NUCKS1: variants seen among roughly 807,000 people sequenced by gnomAD.
The protein encoded by NUCKS1 is nuclear casein kinase and cyclin dependent kinase substrate 1, also known as nuclear ubiquitous casein and cyclin-dependent kinase substrate 1.
Under a neutral mutation model 33.0 loss-of-function variants are expected in NUCKS1, and 2 were observed. That is an observed-to-expected ratio of 0.06 (90% confidence interval 0.02 to 0.19). The LOEUF (loss-of-function observed/expected upper bound fraction) is 0.19. Ranked by LOEUF, NUCKS1 falls within the 10% of genes least tolerant of loss-of-function variation. The pLI is 1.00. For synonymous variants in NUCKS1, 106 were observed against 102.8 expected, an observed-to-expected ratio of 1.03 and a Z score of -0.19; for missense variants, 201 against 293.6, an observed-to-expected ratio of 0.68 and a Z score of 2.31.
At chr1:205,748,725 T>C (rs553337836) in intron 1 of NUCKS1, among the ~76,000 whole-genome samples, 1 of 152,154 alleles carries the variant, frequency 6.6e-6, no homozygotes, top group South Asian at 2.1e-4. Flanking sequence ...GTCCCAAACC[T>C]CTCTTTAGAA....
chr1:205,750,055 C>G lies in NUCKS1; in HGVS notation c.-82G>C. 1 of 1,299,098 alleles carries G rather than the reference C, an allele frequency of 7.7e-7. No homozygotes were observed. The highest frequency in any genetic ancestry group is 4.3e-5 in the East Asian group (1 of 23,166). The allele number at this position is 1,299,098 out of a possible 1,614,324, so 80.5% of individuals were successfully genotyped here. On this transcript the variant is annotated 5_prime_UTR_variant, in exon 1 of 7. Transcript: ENST00000367142. ...CCGCGCGCTCGGCGCCCCACCCCCC[C>G]CGAACTTCAGCCGATGGGACCGCTG...
rs954975948 is a variant in NUCKS1, at chr1:205,712,924, G to C, written c.*5356C>G. On this transcript the variant is annotated 3_prime_UTR_variant, in exon 7 of 7. Coordinates refer to ENST00000367142, the MANE Select transcript of NUCKS1 (RefSeq NM_022731.5). ...AAACATGAGAAAAAATGCTAATTAA[G>C]AATCCTTACGCACCCAGTCCAGTGC... 1 of 152,178 alleles carries C rather than the reference G, an allele frequency of 6.6e-6. No homozygotes were observed. Among genetic ancestry groups the C allele is most frequent in the African/African-American group, 2.4e-5 (1 of 41,448 alleles). 9.4% of individuals were successfully genotyped at this position (152,178 alleles called of 1,614,324 possible).
intron 1 of NUCKS1, among the ~76,000 whole-genome samples, chr1:205,749,737 C>CAGCGGCGCGG (rs1414903898): frequency 6.6e-6 from 1 of 151,470 alleles, no homozygotes; most frequent in Non-Finnish European, 1.5e-5. Context: ...CGGAGCCCTG[C>CAGCGGCGCGG]AGCGGCGCGG....
intron 1 of NUCKS1, among the ~76,000 whole-genome samples, chr1:205,748,762 C>A (rs536145447): frequency 6.6e-6 from 1 of 152,198 alleles, no homozygotes; most frequent in South Asian, 2.1e-4. Flanking sequence ...TTCCGTTTCC[C>A]ACACAACTTG....
At chr1:205,739,877 CTG>C (rs1406047432) in intron 1 of NUCKS1, among the ~76,000 whole-genome samples, 1 of 151,910 alleles carries the variant, frequency 6.6e-6, no homozygotes, top group African/African-American at 2.4e-5. Context: ...GTGTGAGCCA[CTG>C]TGTGGCCAAC....
chr1:205,722,835 T>A (rs1292574750), intron 4 of NUCKS1, among the ~76,000 whole-genome samples: 1 of 152,224 alleles, frequency 6.6e-6, no homozygotes, highest in Non-Finnish European at 1.5e-5. Context: ...TCTAGTCCCA[T>A]GAGCCTTGCC....
rs1671828240 is a variant in NUCKS1, at chr1:205,716,716, C to T, written c.*1564G>A. On this transcript the variant is annotated 3_prime_UTR_variant, in exon 7 of 7. Coordinates refer to ENST00000367142, the MANE Select transcript of NUCKS1 (RefSeq NM_022731.5). Reference sequence around the variant, plus strand: ...AAAAAAGGCAGAAGTTTAAATTTCACTAATTTTTCAATTTATTAGCATACC... The same window carrying T: ...AAAAAAGGCAGAAGTTTAAATTTCATTAATTTTTCAATTTATTAGCATACC... 1 of 152,196 alleles carries T rather than the reference C, an allele frequency of 6.6e-6. No homozygotes were observed. The highest frequency in any genetic ancestry group is 1.5e-5 in the Non-Finnish European group (1 of 68,034). 9.4% of individuals were successfully genotyped at this position (152,196 alleles called of 1,614,324 possible).
intron 2 of NUCKS1, among the ~76,000 whole-genome samples, 166 bp downstream of exon 2, chr1:205,729,406 T>C (rs537326188): frequency 3.9e-4 from 59 of 152,378 alleles, no homozygotes; most frequent in Middle Eastern, 3.4e-3. Context: ...TTAAAATCCA[T>C]GTAAGTTCAA....
chr1:205,744,937 G>A (rs765806947), intron 1 of NUCKS1, among the ~76,000 whole-genome samples: 15 of 152,052 alleles, frequency 9.9e-5, no homozygotes, highest in Non-Finnish European at 1.5e-4. Flanking sequence ...TGGCCCTCAC[G>A]AGAGATATTA....
chr1:205,722,963 C>T (rs767913400), intron 4 of NUCKS1, among the ~76,000 whole-genome samples: 1 of 152,188 alleles, frequency 6.6e-6, no homozygotes, highest in African/African-American at 2.4e-5. Flanking sequence ...TAGCTTAATA[C>T]TAGTACAGAG....
intron 1 of NUCKS1, among the ~76,000 whole-genome samples, chr1:205,735,142 T>G (rs1034718562): frequency 1.2e-4 from 19 of 152,180 alleles, no homozygotes; most frequent in Non-Finnish European, 4.4e-5. Context: ...ACATTCTAAT[T>G]TCTTCAAAAT....
intron 1 of NUCKS1, among the ~76,000 whole-genome samples, chr1:205,748,319 A>G (rs1654382323): frequency 6.6e-6 from 1 of 152,218 alleles, no homozygotes; most frequent in South Asian, 2.1e-4. Flanking sequence ...AAGGTAGAGG[A>G]ATTATTTTTC....
chr1:205,734,578 GATGACTCATA>G (rs1291689309), intron 1 of NUCKS1, among the ~76,000 whole-genome samples: 7 of 152,024 alleles, frequency 4.6e-5, no homozygotes, highest in Middle Eastern at 3.4e-3. Flanking sequence ...GGCCATTCAT[GATGACTCATA>G]ATGACTCATA....
At chr1:205,735,597 T>A (rs897587112) in intron 1 of NUCKS1, among the ~76,000 whole-genome samples, 1 of 152,186 alleles carries the variant, frequency 6.6e-6, no homozygotes. Context: ...CTCTTACTAG[T>A]TGTATATCCT....
rs1671811088 is a variant in NUCKS1, at chr1:205,715,791, G to A, written c.*2489C>T. 6.6e-6 allele frequency: 1 copy of A among 152,202 alleles called. No homozygotes were observed. Among genetic ancestry groups the A allele is most frequent in the Admixed American group, 6.5e-5 (1 of 15,274 alleles). The allele number at this position is 152,202 out of a possible 1,614,324, so 9.4% of individuals were successfully genotyped here. A position where few individuals can be genotyped will look rare whatever the true frequency, so the allele number is the denominator to read the frequency against. On this transcript the variant is annotated 3_prime_UTR_variant, in exon 7 of 7. Coordinates refer to ENST00000367142, the MANE Select transcript of NUCKS1 (RefSeq NM_022731.5). ...ACCATAGGCACACTAGAGAAAAAGA[G>A]GAAGGTTAGTCAAGGATGGTGCCAA...
chr1:205,733,816 T>C (rs1269511368), intron 1 of NUCKS1, among the ~76,000 whole-genome samples: 2 of 152,122 alleles, frequency 1.3e-5, no homozygotes, highest in African/African-American at 4.8e-5. Flanking sequence ...CTTCCCTGTA[T>C]ATCTATCTGT....
chr1:205,720,921 T>C (rs543397056), intron 4 of NUCKS1, among the ~76,000 whole-genome samples: 16 of 152,298 alleles, frequency 1.1e-4, no homozygotes, highest in Admixed American at 1.0e-3. Flanking sequence ...TGGAATACTA[T>C]GCAGCCATAA....
rs572315877 is a variant in NUCKS1 at position 205,715,327 on chromosome 1, A to C, written c.*2953T>G. 5 of 152,160 alleles carry C rather than the reference A, an allele frequency of 3.3e-5. No individual in the cohort carries two copies. Among genetic ancestry groups the C allele is most frequent in the Non-Finnish European group, 7.4e-5 (5 of 68,020 alleles). 9.4% of individuals were successfully genotyped at this position (152,160 alleles called of 1,614,324 possible). A position where few individuals can be genotyped will look rare whatever the true frequency, so the allele number is the denominator to read the frequency against. On this transcript the variant is annotated 3_prime_UTR_variant, in exon 7 of 7. Transcript: ENST00000367142. ...ATCAACTACTGTTCCTCAAGATTAG[A>C]AGATGTCCACACTCTTTGCATTACC... is the stretch of plus-strand genomic sequence containing the variant.
In NUCKS1 at chr1:205,750,035, C is replaced by G; in HGVS notation, c.-62G>C. ...AGACCAGGACCCCCCCCACCCCGCG[C>G]GCTCGGCGCCCCACCCCCCCCGAAC... On this transcript the variant is annotated 5_prime_UTR_variant, in exon 1 of 7. Coordinates refer to ENST00000367142, the MANE Select transcript of NUCKS1 (RefSeq NM_022731.5). 2.9e-6 allele frequency: 3 copies of G among 1,029,360 alleles called. No homozygotes were observed. Among genetic ancestry groups the G allele is most frequent in the Non-Finnish European group, 3.9e-6 (3 of 776,384 alleles). 63.8% of individuals were successfully genotyped at this position (1,029,360 alleles called of 1,614,324 possible).
Sources: gnomAD v4.1 joint callset for allele counts (sites outside exome capture counted in the v4.1 genomes callset) on GRCh38, gnomAD v4.1.1 for gene constraint, MANE v1.5 for transcripts, NCBI Gene and HGNC (gene_info 2026-07-23, HGNC 2026-07-21) for gene names.